FAM13A: variants seen among roughly 807,000 people sequenced by gnomAD.
FAM13A encodes the protein family with sequence similarity 13 member A, also known as protein FAM13A.
FAM13A carries 76 observed loss-of-function variants against 129.6 expected under a neutral mutation model. The observed-to-expected ratio is 0.59, with a 90% CI of 0.49 to 0.71. FAM13A has a LOEUF of 0.71. Among genes scored for constraint, FAM13A ranks in the 30% least tolerant of loss-of-function variants. The pLI is 0.00. For synonymous variants in FAM13A, 443 were observed against 449.9 expected (o/e 0.98, Z 0.20); for missense variants, 1,108 against 1,249.3 (o/e 0.89, Z 1.70).
chr4:88,991,948 C>T (rs1275994319), intron 3 of FAM13A, among the ~76,000 whole-genome samples: 1 of 152,154 alleles, frequency 6.6e-6, no homozygotes, highest in African/African-American at 2.4e-5. Flanking sequence ...CCAAATTACT[C>T]ATTTCCCACC....
chr4:88,992,768 GAAGAA>G (rs202048955), intron 3 of FAM13A, among the ~76,000 whole-genome samples: 1,680 of 152,126 alleles, frequency 0.011, 35 homozygotes, highest in African/African-American at 0.038. Context: ...CTTTCTCTCA[GAAGAA>G]AATAAAAATA....
intron 6 of FAM13A, among the ~76,000 whole-genome samples, chr4:88,871,596 A>T (rs886663794): frequency 1.3e-5 from 2 of 152,210 alleles, no homozygotes; most frequent in Non-Finnish European, 2.9e-5. Context: ...AGTTTAGAGA[A>T]AAAAGAGTAA....
intron 4 of FAM13A, among the ~76,000 whole-genome samples, chr4:88,972,593 A>T (rs1324510627): frequency 6.6e-6 from 1 of 151,048 alleles, no homozygotes. Flanking sequence ...GAGCCACTGC[A>T]CCCAGCCCCT....
At chr4:88,956,269 A>T (rs1757741984) in intron 4 of FAM13A, among the ~76,000 whole-genome samples, 2 of 152,186 alleles carry the variant, frequency 1.3e-5, no homozygotes, top group South Asian at 4.1e-4. Flanking sequence ...TACTTTTGTT[A>T]GTTTAGATAT....
chr4:89,000,421 A>G (rs1764106393), intron 3 of FAM13A, among the ~76,000 whole-genome samples: 1 of 152,208 alleles, frequency 6.6e-6, no homozygotes, highest in Non-Finnish European at 1.5e-5. Flanking sequence ...AGCCAGTCAC[A>G]AAGTACCACA....
chr4:88,743,027 A>T (rs577316064), intron 19 of FAM13A, among the ~76,000 whole-genome samples: 157 of 152,340 alleles, frequency 1.0e-3, no homozygotes, highest in African/African-American at 3.6e-3. Context: ...ATGTGGAACT[A>T]GGGTTATCAT....
intron 2 of FAM13A, among the ~76,000 whole-genome samples, chr4:89,021,259 A>T (rs1767216255): frequency 6.6e-6 from 1 of 152,222 alleles, no homozygotes; most frequent in South Asian, 2.1e-4. Flanking sequence ...TGGAGGAGGT[A>T]AACTTAACCT....
chr4:89,034,596 A>C (rs1769119739), intron 1 of FAM13A, among the ~76,000 whole-genome samples: 1 of 152,180 alleles, frequency 6.6e-6, no homozygotes, highest in Admixed American at 6.5e-5. Context: ...AAGGAAAATA[A>C]ATCAGCTGGG....
chr4:88,823,603 G>C (rs1732469140), intron 7 of FAM13A, among the ~76,000 whole-genome samples: 1 of 152,170 alleles, frequency 6.6e-6, no homozygotes, highest in Non-Finnish European at 1.5e-5. Context: ...GAAACTAAAG[G>C]TTTCTGTAGC....
At chr4:88,732,254 C>T (rs1048582581) in intron 21 of FAM13A, 56 bp from the exon 22 acceptor site, 1 of 1,239,542 alleles carries the variant, frequency 8.1e-7, no homozygotes, top group Non-Finnish European at 1.1e-6. Context: ...GGCAGACTTT[C>T]ATTACAAGTA....
Position 88,984,029 on chromosome 4 carries a change from G to A in FAM13A, c.605+6944C>T, listed in dbSNP as rs1921682. ...ATTGTGGTCAACTTATTTTTGACAA[G>A]AGTGCTGAGATAATTCAATGGGGAA... On this transcript the variant is annotated intron_variant, in intron 4 of 23. Transcript: ENST00000264344. Among the ~76,000 whole-genome samples, 1,164 of 152,236 alleles carry A rather than the reference G, an allele frequency of 7.6e-3. 18 individuals carry two copies. Among genetic ancestry groups the A allele is most frequent in the African/African-American group, 0.027 (1,113 of 41,542 alleles).
At chr4:89,051,830 G>T (rs1415468137) in intron 1 of FAM13A, among the ~76,000 whole-genome samples, 1 of 152,170 alleles carries the variant, frequency 6.6e-6, no homozygotes, top group African/African-American at 2.4e-5. Context: ...AATTTCATTA[G>T]ATCTTAAGGC....
intron 4 of FAM13A, among the ~76,000 whole-genome samples, chr4:88,947,848 T>C (rs1399999211): frequency 1.3e-5 from 2 of 152,150 alleles, no homozygotes; most frequent in East Asian, 1.9e-4. Context: ...AAGTCATAGA[T>C]AGATATTCTC....
intron 13 of FAM13A, chr4:88,759,191 G>T: frequency 3.3e-6 from 1 of 307,064 alleles, no homozygotes; most frequent in East Asian, 5.7e-5. Context: ...ATGAGGGAAA[G>T]GAGTTTGGTG....
chr4:88,918,720 T>C (rs1750516023), intron 5 of FAM13A, among the ~76,000 whole-genome samples: 1 of 152,214 alleles, frequency 6.6e-6, no homozygotes, highest in Non-Finnish European at 1.5e-5. Context: ...TTAATCATTA[T>C]CAGGTCTTTC....
At chr4:88,881,504 T>C (rs181365119) in intron 6 of FAM13A, among the ~76,000 whole-genome samples, 6 of 152,340 alleles carry the variant, frequency 3.9e-5, no homozygotes, top group Admixed American at 2.6e-4. Flanking sequence ...ATCTTCCCTC[T>C]GACATAGTCT....
chr4:88,759,050 C>T (rs1198545002), intron 13 of FAM13A, 149 bp from the exon 14 acceptor site: 4 of 769,486 alleles, frequency 5.2e-6, no homozygotes, highest in South Asian at 2.1e-5. Context: ...CTTGATGCCC[C>T]CCGGATCCTA....
At chr4:88,733,498 C>T (rs1308919618) in intron 21 of FAM13A, among the ~76,000 whole-genome samples, 1 of 152,140 alleles carries the variant, frequency 6.6e-6, no homozygotes, top group Admixed American at 6.5e-5. Context: ...AATAACAATT[C>T]CCATCGACGT....
intron 7 of FAM13A, among the ~76,000 whole-genome samples, chr4:88,847,828 T>G (rs1182894534): frequency 2.0e-5 from 3 of 151,880 alleles, no homozygotes; most frequent in Non-Finnish European, 4.4e-5. Flanking sequence ...TCCCAGCTAC[T>G]CAGGAGGCTG....
Sources: gnomAD v4.1 joint callset for allele counts (sites outside exome capture counted in the v4.1 genomes callset) on GRCh38, gnomAD v4.1.1 for gene constraint, MANE v1.5 for transcripts, NCBI Gene and HGNC (gene_info 2026-07-23, HGNC 2026-07-21) for gene names.